The following DDX46 variants were observed in gnomAD, a reference collection of about 807,000 sequenced individuals.
DDX46 encodes probable ATP-dependent RNA helicase DDX46.
In DDX46, 30 loss-of-function variants were observed where a neutral mutation model predicts 134.9. The ratio of observed to expected loss-of-function variants is 0.22; its 90% confidence interval spans 0.17 to 0.30. The LOEUF (loss-of-function observed/expected upper bound fraction) is 0.30. Among genes scored for constraint, DDX46 ranks in the 10% least tolerant of loss-of-function variants. The pLI is 1.00. For missense variants in DDX46, 622 were observed against 1,248.7 expected (o/e 0.50, Z 7.56); for synonymous variants, 415 against 404.1 (o/e 1.03, Z -0.32).
At chr5:134,785,607 C>G (rs1229594167) in intron 11 of DDX46, 21 bp downstream of exon 11, 1 of 1,580,558 alleles carries the variant, frequency 6.3e-7, no homozygotes, top group East Asian at 2.3e-5. Flanking sequence ...AAGAAACATT[C>G]ATGTTTTCCA....
rs573144255 is a variant in DDX46 at position 134,771,459 on chromosome 5, G to A, written c.447+460G>A. The stretch of plus-strand genomic sequence containing the variant: ...TGTAATCCCAGCACTTTGGGAGGCC[G>A]AGGCGGGTGGATCATGAGGTCAGGA... On this transcript the variant is annotated intron_variant, in intron 4 of 22. Coordinates refer to ENST00000452510, the MANE Select transcript of DDX46 (RefSeq NM_001300860.2). 1.2e-3 allele frequency among the ~76,000 whole-genome samples: 179 copies of A among 143,742 alleles called. 1 individual carries two copies. The highest frequency in any genetic ancestry group is 4.3e-3 in the African/African-American group (171 of 39,526). The allele number at this position is 143,742 out of a possible 152,430, so 94.3% of individuals were successfully genotyped here.
intron 21 of DDX46, chr5:134,825,752 A>C (rs1178899604): frequency 6.6e-6 from 1 of 152,198 alleles, no homozygotes. Context: ...CCTACCCTTG[A>C]TGGCTCTCTA....
At chr5:134,789,814 CATTT>C (rs909944609) in intron 12 of DDX46, among the ~76,000 whole-genome samples, 1 of 152,138 alleles carries the variant, frequency 6.6e-6, no homozygotes, top group Non-Finnish European at 1.5e-5. Flanking sequence ...AAGCCAGTTG[CATTT>C]ATTTAAGTCA....
Position 134,775,100 on chromosome 5 carries a change from G to A in DDX46, c.613+1239G>A, listed in dbSNP as rs184254868. Among the ~76,000 whole-genome samples, 9 of 152,106 alleles carry A rather than the reference G, an allele frequency of 5.9e-5. 1 individual carries two copies. Among genetic ancestry groups the A allele is most frequent in the Admixed American group, 2.6e-4 (4 of 15,274 alleles). On this transcript the variant is annotated intron_variant, in intron 5 of 22. Transcript: ENST00000452510. ...CTCCCATAGTGCTGGGATTACAGGCGTGAGCCACCATGCCCAGCTAATTTT... is the reference window on the plus strand; with the variant it reads ...CTCCCATAGTGCTGGGATTACAGGCATGAGCCACCATGCCCAGCTAATTTT...
At chr5:134,767,903 T>A (rs1753627462) in intron 3 of DDX46, among the ~76,000 whole-genome samples, 1 of 150,078 alleles carries the variant, frequency 6.7e-6, no homozygotes, top group African/African-American at 2.5e-5. Flanking sequence ...TGAGGTGAGA[T>A]CATGCCGTTG....
At chr5:134,786,138 C>T (rs1345235358) in intron 11 of DDX46, among the ~76,000 whole-genome samples, 4 of 152,038 alleles carry the variant, frequency 2.6e-5, no homozygotes, top group Non-Finnish European at 1.5e-5. Flanking sequence ...TGTGAGCCAC[C>T]GTGCCTGACC....
chr5:134,780,564 C>CAATAAATAAATAAATAAATA (rs10655595), intron 6 of DDX46, among the ~76,000 whole-genome samples: 5 of 142,308 alleles, frequency 3.5e-5, no homozygotes, highest in Admixed American at 7.2e-5. Context: ...AACTTTATCT[C>CAATAAATAAATAAATAAATA]AATAAATAAA....
At position 134,767,103 on chromosome 5, in the gene DDX46, C is replaced by T. The variant is rs775979979; in HGVS notation, c.350+43C>T. The stretch of plus-strand genomic sequence containing the variant: ...CTGCATCTATAGTGCAGACTGGGGA[C>T]TGCTTCCCTTCTCTGCGCCTTTTTT... On this transcript the variant is annotated intron_variant, in intron 3 of 22. Transcript: ENST00000452510. The T allele has an allele frequency of 3.2e-6, 5 of 1,545,108 alleles. No homozygotes were observed. In the East Asian group the frequency reaches 1.2e-4, roughly 36 times the overall value.
intron 21 of DDX46, among the ~76,000 whole-genome samples, chr5:134,823,157 CTTTTT>C (rs201053941): frequency 1.8e-5 from 2 of 111,218 alleles, no homozygotes; most frequent in Admixed American, 9.3e-5. Flanking sequence ...TTAATTTCAT[CTTTTT>C]TTTTTTTTTT....
intron 4 of DDX46, among the ~76,000 whole-genome samples, chr5:134,772,842 C>T (rs1194444013): frequency 2.0e-5 from 3 of 152,146 alleles, no homozygotes; most frequent in Admixed American, 6.5e-5. Context: ...GCTCTTGTTG[C>T]TGAGGCCGGA....
chr5:134,830,416 A>G lies in DDX46; in HGVS notation c.*1710A>G, dbSNP rs1387965596. ...GGAGGGGTTTAAGGGGTGTCCTGCA[A>G]TCAGTCCCCCTCTCATACCAAAGGA... On this transcript the variant is annotated 3_prime_UTR_variant, in exon 23 of 23. Coordinates refer to ENST00000452510, the MANE Select transcript of DDX46 (RefSeq NM_001300860.2). 1 of 151,764 alleles carries G rather than the reference A, an allele frequency of 6.6e-6. No individual in the cohort carries two copies. The highest frequency in any genetic ancestry group is 2.4e-5 in the African/African-American group (1 of 41,056). 9.4% of individuals were successfully genotyped at this position (151,764 alleles called of 1,614,324 possible).
intron 2 of DDX46, among the ~76,000 whole-genome samples, chr5:134,764,876 A>C (rs1352807085): frequency 1.1e-3 from 111 of 103,500 alleles, no homozygotes; most frequent in East Asian, 1.6e-3. Context: ...CTTCCCTTCC[A>C]CTCTCTCTCC....
chr5:134,803,668 C>T (rs1017207255), intron 15 of DDX46, among the ~76,000 whole-genome samples: 2 of 152,168 alleles, frequency 1.3e-5, no homozygotes, highest in Admixed American at 6.6e-5. Context: ...TGCTGTTAGT[C>T]GCTCTCTGGT....
At chr5:134,819,071 A>C (rs1755368734) in intron 21 of DDX46, 67 bp downstream of exon 21, 1 of 1,556,056 alleles carries the variant, frequency 6.4e-7, no homozygotes. Flanking sequence ...TAATAAACGC[A>C]AAGAGCATGT....
chr5:134,783,156 C>A, intron 9 of DDX46, 91 bp downstream of exon 9: 2 of 1,468,404 alleles, frequency 1.4e-6, no homozygotes, highest in Non-Finnish European at 1.8e-6. Flanking sequence ...CATTTTTACT[C>A]TAAAAAAACC....
rs567381249 is a variant in DDX46 at position 134,781,417 on chromosome 5, A to G, written c.879+171A>G. ...ATAGTATCTAGTTAAATATCTGTTT[A>G]GTGGAACATTCTGATGTCTTCATTC... On this transcript the variant is annotated intron_variant, in intron 7 of 22. Coordinates refer to ENST00000452510, the MANE Select transcript of DDX46 (RefSeq NM_001300860.2). 7.2e-5 allele frequency among the ~76,000 whole-genome samples: 11 copies of G among 152,296 alleles called. No individual in the cohort carries two copies. In the South Asian group the frequency reaches 8.3e-4, roughly 11 times the overall value.
rs1754170603 is a variant in DDX46, at chr5:134,782,029, C to A, written c.988C>A (p.Pro330Thr). 3 of 1,601,906 alleles carry A rather than the reference C, an allele frequency of 1.9e-6. No homozygotes were observed. The highest frequency in any genetic ancestry group is 2.5e-6 in the Non-Finnish European group (3 of 1,177,472). Residue 330 changes from proline (P) to threonine (T), a missense_variant, in exon 8 of 23, where the codon CCA (proline) becomes ACA (threonine). This residue lies in a region of DDX46 where 63 missense variants were observed against 84.0 expected (regional missense o/e 0.75). Coordinates refer to ENST00000452510, the MANE Select transcript of DDX46 (RefSeq NM_001300860.2). Reference protein sequence around the residue: ...PVDHGKIEYEPFRKNFYVEVP... With the variant: ...PVDHGKIEYETFRKNFYVEVP... Reference sequence around the variant, plus strand: ...TGATCATGGAAAAATTGAGTATGAGCCATTTAGGAAAAACTTCTATGTTGA... The same window carrying A: ...TGATCATGGAAAAATTGAGTATGAGACATTTAGGAAAAACTTCTATGTTGA...
At chr5:134,782,873 T>C (rs1200343140) in intron 8 of DDX46, 72 bp from the exon 9 acceptor site, 3 of 1,559,714 alleles carry the variant, frequency 1.9e-6, no homozygotes, top group Admixed American at 1.9e-5. Context: ...GTTAATCTTA[T>C]GCCTAATTGA....
chr5:134,812,741 G>A (rs1226701220), intron 18 of DDX46, among the ~76,000 whole-genome samples: 9 of 152,104 alleles, frequency 5.9e-5, no homozygotes, highest in South Asian at 2.1e-4. Flanking sequence ...GGGTTCAAGC[G>A]ATTTTCCTGT....
Sources: gnomAD v4.1 joint callset for allele counts (sites outside exome capture counted in the v4.1 genomes callset) on GRCh38, gnomAD v4.1.1 for gene constraint, gnomAD v4.1.1 regional missense constraint, MANE v1.5 for transcripts, NCBI Gene and HGNC (gene_info 2026-07-23, HGNC 2026-07-21) for gene names.